The following WDFY4 variants were observed in gnomAD, a reference collection of about 807,000 sequenced individuals.
WDFY4 encodes WDFY family member 4.
In WDFY4, 169 loss-of-function variants were observed where a neutral mutation model predicts 351.9. The ratio of observed to expected loss-of-function variants is 0.48; its 90% confidence interval spans 0.42 to 0.55. WDFY4 has a LOEUF of 0.55. Ranked by LOEUF, WDFY4 falls within the 20% of genes least tolerant of loss-of-function variation. The pLI is 0.00. For synonymous variants in WDFY4, 1,622 were observed against 1,574.6 expected (o/e 1.03, Z -0.71); for missense variants, 3,803 against 3,935.6 (o/e 0.97, Z 0.90).
At chr10:48,839,116 C>T (rs1685551970) in intron 39 of WDFY4, among the ~76,000 whole-genome samples, 1 of 152,160 alleles carries the variant, frequency 6.6e-6, no homozygotes, top group African/African-American at 2.4e-5. Flanking sequence ...TTTCACTTCC[C>T]TGGGATAAAA....
chr10:48,751,893 G>A (rs902331838), intron 12 of WDFY4, among the ~76,000 whole-genome samples: 1 of 152,154 alleles, frequency 6.6e-6, no homozygotes, highest in Non-Finnish European at 1.5e-5. Flanking sequence ...GAAATGATGA[G>A]GCTTCACTGG....
At chr10:48,919,695 C>T (rs1838875844) in intron 47 of WDFY4, among the ~76,000 whole-genome samples, 1 of 152,162 alleles carries the variant, frequency 6.6e-6, no homozygotes, top group Non-Finnish European at 1.5e-5. Flanking sequence ...TTGGTAATGG[C>T]ATAAATTCCA....
intron 51 of WDFY4, among the ~76,000 whole-genome samples, chr10:48,952,785 C>T (rs1427497217): frequency 6.6e-6 from 1 of 152,200 alleles, no homozygotes; most frequent in East Asian, 1.9e-4. Flanking sequence ...GTCATCCCGT[C>T]CTCTGTGAGA....
chr10:48,814,691 A>T (rs541535405), intron 31 of WDFY4, among the ~76,000 whole-genome samples: 2 of 152,362 alleles, frequency 1.3e-5, no homozygotes, highest in South Asian at 4.1e-4. Context: ...AGGCAATTGG[A>T]GGCCTGATTG....
intron 47 of WDFY4, among the ~76,000 whole-genome samples, chr10:48,906,232 C>T (rs927635731): frequency 6.6e-6 from 1 of 152,184 alleles, no homozygotes; most frequent in African/African-American, 2.4e-5. Flanking sequence ...GCCTAGGCTA[C>T]AGATTTTCAT....
chr10:48,809,038 GATGAA>G (rs2067351066), intron 28 of WDFY4, among the ~76,000 whole-genome samples: 1 of 152,218 alleles, frequency 6.6e-6, no homozygotes, highest in Non-Finnish European at 1.5e-5. Flanking sequence ...GTATAGTAAA[GATGAA>G]ATGAATTAAT....
intron 40 of WDFY4, among the ~76,000 whole-genome samples, chr10:48,868,664 T>A (rs946630035): frequency 6.6e-6 from 1 of 152,202 alleles, no homozygotes. Context: ...TCTTGTAGGA[T>A]TGCATCCTTT....
intron 1 of WDFY4, among the ~76,000 whole-genome samples, chr10:48,693,106 C>T (rs1438505061): frequency 6.6e-6 from 1 of 152,134 alleles, no homozygotes; most frequent in East Asian, 1.9e-4. Flanking sequence ...AGCTTAACCC[C>T]ACTGAGGGTG....
chr10:48,850,573 T>A (rs1251538648), intron 39 of WDFY4, among the ~76,000 whole-genome samples: 1 of 152,232 alleles, frequency 6.6e-6, no homozygotes, highest in Admixed American at 6.5e-5. Flanking sequence ...ATTTTTGGTG[T>A]GTGTATTACT....
chr10:48,834,656 A>G (rs905792788), intron 39 of WDFY4, among the ~76,000 whole-genome samples: 4 of 152,160 alleles, frequency 2.6e-5, no homozygotes, highest in African/African-American at 9.7e-5. Flanking sequence ...TGGCTTCATC[A>G]TGGAGCTTCT....
chr10:48,811,662 C>T lies in WDFY4; in HGVS notation c.5168C>T (p.Thr1723Ile), dbSNP rs780088517. 2 of 1,551,730 alleles carry T rather than the reference C, an allele frequency of 1.3e-6. No individual in the cohort carries two copies. The highest frequency in any genetic ancestry group is 2.0e-5 in the Admixed American group (1 of 50,994). Residue 1723 changes from threonine to isoleucine, a missense_variant, in exon 30 of 62, where the codon ACC (threonine) becomes ATC (isoleucine). Physicochemically the swap from Thr to Ile is moderately conservative, Grantham distance 89. Transcript: ENST00000325239. The part of the protein sequence containing the change: ...HIPEVYLIVS[T>I]FFLQTPLTEL... ...CCAGAGGTCTACCTCATCGTCTCCACCTTCTTCCTGCAGACACCACTCACA... is the reference window on the plus strand; with the variant it reads ...CCAGAGGTCTACCTCATCGTCTCCATCTTCTTCCTGCAGACACCACTCACA...
At chr10:48,686,785 G>A (rs1368778330) in intron 1 of WDFY4, among the ~76,000 whole-genome samples, 1 of 152,054 alleles carries the variant, frequency 6.6e-6, no homozygotes. Context: ...TATTTCAAGA[G>A]TTTATTTTTT....
intron 29 of WDFY4, among the ~76,000 whole-genome samples, chr10:48,811,054 G>C (rs11101511): frequency 0.52 from 78,812 of 152,070 alleles, 22,409 homozygotes; most frequent in East Asian, 0.83. Context: ...GATTCATCCT[G>C]AGATCTCAGT....
chr10:48,828,070 G>T (rs1253044780), intron 36 of WDFY4, among the ~76,000 whole-genome samples: 1 of 152,104 alleles, frequency 6.6e-6, no homozygotes, highest in Non-Finnish European at 1.5e-5. Flanking sequence ...CATATGTCAG[G>T]TTATTTTCCT....
At chr10:48,900,190 C>G in intron 45 of WDFY4, 31 bp from the exon 46 acceptor site, 1 of 1,542,596 alleles carries the variant, frequency 6.5e-7, no homozygotes, top group Middle Eastern at 1.7e-4. Flanking sequence ...CACAAAATAT[C>G]AGGAGCATTA....
chr10:48,686,695 A>G (rs1385325429), intron 1 of WDFY4, among the ~76,000 whole-genome samples: 2 of 152,222 alleles, frequency 1.3e-5, no homozygotes, highest in Non-Finnish European at 2.9e-5. Context: ...TAGATAATTA[A>G]AGTTTTCTGC....
intron 47 of WDFY4, among the ~76,000 whole-genome samples, chr10:48,902,824 A>T (rs35046275): frequency 0.13 from 20,125 of 152,054 alleles, 1,482 homozygotes; most frequent in Middle Eastern, 0.21. Flanking sequence ...TTGAATTAAT[A>T]CTTGGCCGGG....
At chr10:48,932,753 A>G (rs1241010190) in intron 47 of WDFY4, 1 of 152,154 alleles carries the variant, frequency 6.6e-6, no homozygotes, top group East Asian at 1.9e-4. Context: ...GAGAATGCCA[A>G]AGTCAGAAAG....
Position 48,805,260 on chromosome 10 carries a change from G to A in WDFY4, c.4485G>A (p.Arg1495=), listed in dbSNP as rs1039660003. The part of the protein sequence containing the change: ...SHLLEILQSP[R]EGPRNAEAAH... ...ACTGTCTCTCTCCTGTACTCACCAG[G>A]GAAGGACCCAGGAATGCTGAAGCTG... Residue 1495 remains arginine (R), a splice_region_variant and synonymous_variant, in exon 26 of 62, where the codon AGG becomes AGA. Coordinates refer to ENST00000325239, the MANE Select transcript of WDFY4 (RefSeq NM_001394531.1). 1.3e-6 allele frequency: 2 copies of A among 1,542,468 alleles called. No homozygotes were observed. The highest frequency in any genetic ancestry group is 8.7e-7 in the Non-Finnish European group (1 of 1,146,880).
Sources: gnomAD v4.1 joint callset for allele counts (sites outside exome capture counted in the v4.1 genomes callset) on GRCh38, gnomAD v4.1.1 for gene constraint, MANE v1.5 for transcripts, NCBI Gene and HGNC (gene_info 2026-07-23, HGNC 2026-07-21) for gene names.